Variants in ACSM5 observed in about 807,000 individuals in gnomAD.
ACSM5 encodes the protein acyl-coenzyme A synthetase ACSM5, mitochondrial.
A neutral mutation model predicts 71.6 loss-of-function variants in ACSM5; 56 were observed. That is an observed-to-expected ratio of 0.78 (90% CI 0.63 to 0.98). The LOEUF (loss-of-function observed/expected upper bound fraction) is 0.98. Ranked by LOEUF, ACSM5 falls within the 50% of genes least tolerant of loss-of-function variation. The probability of loss-of-function intolerance (pLI) is 0.00; values close to 1 mark genes in which losing one functional copy is unlikely to be tolerated. For missense variants in ACSM5, 723 were observed against 726.0 expected (o/e 1.00, Z 0.05); for synonymous variants, 285 against 281.5 (o/e 1.01, Z -0.12).
rs1967087860 is a variant in ACSM5 at position 20,431,087 on chromosome 16, C to T, written c.1206+14C>T. 1.2e-6 allele frequency: 2 copies of T among 1,610,832 alleles called. No individual in the cohort carries two copies. The highest frequency in any genetic ancestry group is 1.7e-5 in the Admixed American group (1 of 59,644). ...TACGATGTGCAGGTAGCAGCCTCCC[C>T]CAACTTCTGGCAAGGCCTGGCATGG... On this transcript the variant is annotated intron_variant, in intron 9 of 13. Coordinates refer to ENST00000331849, the MANE Select transcript of ACSM5 (RefSeq NM_017888.3).
intron 6 of ACSM5, among the ~76,000 whole-genome samples, chr16:20,426,492 G>T (rs1019624212): frequency 1.3e-5 from 2 of 152,120 alleles, no homozygotes; most frequent in African/African-American, 2.4e-5. Flanking sequence ...TAACTAAAAG[G>T]TGAAAGCAAC....
rs532382607 is a variant in ACSM5, at chr16:20,415,879, G to A, written c.205-2180G>A. Among the ~76,000 whole-genome samples the A allele has an allele frequency of 2.6e-3, 392 of 152,042 alleles. 7 individuals carry two copies. The highest frequency in any genetic ancestry group is 0.022 in the Admixed American group (341 of 15,264). On this transcript the variant is annotated intron_variant, in intron 2 of 13. Transcript: ENST00000331849. ...GAATGGATATGTCTCTGACTATTAT[G>A]GTATCCCTACTTCATCATTGTATTT... is the stretch of plus-strand genomic sequence containing the variant.
At chr16:20,431,154 G>A (rs1379934347) in intron 9 of ACSM5, 66 bp from the exon 10 acceptor site, 1 of 1,599,196 alleles carries the variant, frequency 6.3e-7, no homozygotes, top group East Asian at 2.2e-5. Context: ...CGGGCTGCTG[G>A]GCTGCTGGGA....
At chr16:20,438,794 A>G (rs1967254856) in intron 12 of ACSM5, among the ~76,000 whole-genome samples, 1 of 150,716 alleles carries the variant, frequency 6.6e-6, no homozygotes, top group African/African-American at 2.4e-5. Context: ...TCTCTACTAA[A>G]AATACTAAAA....
Position 20,440,987 on chromosome 16 carries a change from A to G in ACSM5, c.*560A>G, listed in dbSNP as rs1393920095. The G allele has an allele frequency of 6.6e-6, 1 of 152,324 alleles. No individual in the cohort carries two copies. 9.4% of individuals were successfully genotyped at this position (152,324 alleles called of 1,614,324 possible). On this transcript the variant is annotated 3_prime_UTR_variant, in exon 14 of 14. Coordinates refer to ENST00000331849, the MANE Select transcript of ACSM5 (RefSeq NM_017888.3). ...AAAAAAAAGAAAAAATTAACAATTA[A>G]CATCCAAACAACAAGGAAATGATTA...
At chr16:20,423,859 T>C in intron 5 of ACSM5, 57 bp from the exon 6 acceptor site, 1 of 1,601,646 alleles carries the variant, frequency 6.2e-7, no homozygotes, top group South Asian at 1.1e-5. Flanking sequence ...GATAATACAA[T>C]CCTTTTTAAA....
chr16:20,410,888 C>T (rs1186527159), intron 1 of ACSM5, among the ~76,000 whole-genome samples: 8 of 152,122 alleles, frequency 5.3e-5, no homozygotes, highest in Admixed American at 2.0e-4. Context: ...AAGTCTATTT[C>T]AGATTGTGAG....
chr16:20,422,262 C>T (rs924345295), intron 5 of ACSM5, among the ~76,000 whole-genome samples: 2 of 152,148 alleles, frequency 1.3e-5, no homozygotes, highest in Non-Finnish European at 2.9e-5. Context: ...CAGGTGCCCG[C>T]CACCACACCC....
intron 8 of ACSM5, among the ~76,000 whole-genome samples, chr16:20,430,404 A>G (rs1302564663): frequency 1.3e-5 from 2 of 151,982 alleles, no homozygotes; most frequent in Non-Finnish European, 2.9e-5. Flanking sequence ...TCATCTAGGA[A>G]GAGATCTGGG....
rs367767515 is a variant in ACSM5, at chr16:20,431,088, C to T, written c.1206+15C>T. On this transcript the variant is annotated intron_variant, in intron 9 of 13. Coordinates refer to ENST00000331849, the MANE Select transcript of ACSM5 (RefSeq NM_017888.3). ...ACGATGTGCAGGTAGCAGCCTCCCCCAACTTCTGGCAAGGCCTGGCATGGA... is the reference window on the plus strand; with the variant it reads ...ACGATGTGCAGGTAGCAGCCTCCCCTAACTTCTGGCAAGGCCTGGCATGGA... 6.2e-7 allele frequency: 1 copy of T among 1,610,218 alleles called. No individual in the cohort carries two copies. The highest frequency in any genetic ancestry group is 1.7e-5 in the Admixed American group (1 of 59,664).
chr16:20,416,501 A>T (rs1966856601), intron 2 of ACSM5, among the ~76,000 whole-genome samples: 2 of 152,186 alleles, frequency 1.3e-5, no homozygotes, highest in Admixed American at 1.3e-4. Context: ...CCAACTAATG[A>T]TGCTGGCACA....
In ACSM5 at chr16:20,423,916, A is replaced by C; in HGVS notation, c.768A>C (p.Arg256Ser). 1 of 1,613,644 alleles carries C rather than the reference A, an allele frequency of 6.2e-7. No individual in the cohort carries two copies. Among genetic ancestry groups the C allele is most frequent in the East Asian group, 2.2e-5 (1 of 44,894 alleles). Residue 256 changes from arginine to serine, a missense_variant and splice_region_variant, in exon 6 of 14, where the codon AGA (arginine) becomes AGC (serine). By Grantham distance (110) the Arg-to-Ser change is moderately radical. Transcript: ENST00000331849. Reference protein sequence around the residue: ...SYGLGFVASGRRWVALTESDI... With the variant: ...SYGLGFVASGSRWVALTESDI... ...ACTGACGTTCTCTAATTTTTGGCAG[A>C]CGGTGGGTGGCCTTGACCGAATCTG...
chr16:20,417,157 A>G (rs1180191117), intron 2 of ACSM5, among the ~76,000 whole-genome samples: 3 of 152,204 alleles, frequency 2.0e-5, no homozygotes, highest in Non-Finnish European at 4.4e-5. Flanking sequence ...TCCGAAAGTT[A>G]ACATAGAGTT....
intron 8 of ACSM5, 35 bp downstream of exon 8, chr16:20,429,836 G>T: frequency 6.2e-7 from 1 of 1,607,024 alleles, no homozygotes; most frequent in Non-Finnish European, 8.5e-7. Context: ...CTACCCCCCA[G>T]GTCCCCTCGA....
At chr16:20,411,994 T>C (rs1966848724) in intron 2 of ACSM5, 2 of 375,656 alleles carry the variant, frequency 5.3e-6, no homozygotes, top group Admixed American at 3.9e-5. Flanking sequence ...GGAAGTTTTG[T>C]TTTGCTGCTA....
rs1319517697 is a variant in ACSM5 at position 20,433,663 on chromosome 16, T to C, written c.1308+2342T>C. On this transcript the variant is annotated intron_variant, in intron 10 of 13. Coordinates refer to ENST00000331849, the MANE Select transcript of ACSM5 (RefSeq NM_017888.3). ...TAATATCACCACCACACAGAAATAT[T>C]ATGCAACTATTTAATACAATTTTTT... Among the ~76,000 whole-genome samples, 6 of 145,000 alleles carry C rather than the reference T, an allele frequency of 4.1e-5. No individual in the cohort carries two copies. The East Asian group carries it at 1.3e-3, about 32-fold the overall frequency.
rs1302729576 is a variant in ACSM5 at position 20,411,515 on chromosome 16, C to A, written c.31C>A (p.Gln11Lys). The change falls in exon 2 of 14, where the codon CAG becomes AAG. Residue 11 changes from glutamine (Q) to lysine (K), a missense_variant. Physicochemically the swap from Gln to Lys is moderately conservative, Grantham distance 53 (BLOSUM62 1). Coordinates refer to ENST00000331849, the MANE Select transcript of ACSM5 (RefSeq NM_017888.3). MRPWLRHLVL[Q>K]ALRNSRAFCG... ...ACCATGGCTGAGACACCTAGTCCTC[C>A]AGGCACTGAGGAACTCCAGGGCATT... 1 of 1,614,174 alleles carries A rather than the reference C, an allele frequency of 6.2e-7. No individual in the cohort carries two copies. The highest frequency in any genetic ancestry group is 8.5e-7 in the Non-Finnish European group (1 of 1,180,022).
At chr16:20,433,588 G>T (rs1483944735) in intron 10 of ACSM5, among the ~76,000 whole-genome samples, 1 of 152,044 alleles carries the variant, frequency 6.6e-6, no homozygotes, top group Non-Finnish European at 1.5e-5. Context: ...AGGAGAAAAA[G>T]AAGAGAGAAA....
chr16:20,414,114 A>G (rs978926770), intron 2 of ACSM5, among the ~76,000 whole-genome samples: 17 of 152,200 alleles, frequency 1.1e-4, no homozygotes, highest in African/African-American at 4.8e-5. Context: ...ATAGTTTTCA[A>G]CAAAAATTTA....
Sources: allele counts gnomAD v4.1 joint callset (sites outside exome capture counted in the v4.1 genomes callset), GRCh38; gene constraint gnomAD v4.1.1; transcripts MANE v1.5; gene names NCBI Gene and HGNC (gene_info 2026-07-23, HGNC 2026-07-21).